GAL3ST1: variants seen among roughly 807,000 people sequenced by gnomAD.
GAL3ST1 encodes the protein galactosylceramide sulfotransferase.
A neutral mutation model predicts 25.0 loss-of-function variants in GAL3ST1; 13 were observed. That is an observed-to-expected ratio of 0.52 (90% CI 0.34 to 0.83). GAL3ST1 has a LOEUF of 0.83. Among genes scored for constraint, GAL3ST1 ranks in the 40% least tolerant of loss-of-function variants. The pLI is 0.02. For missense variants in GAL3ST1, 474 were observed against 613.6 expected, an observed-to-expected ratio of 0.77 and a Z score of 2.40; for synonymous variants, 274 against 277.8, an observed-to-expected ratio of 0.99 and a Z score of 0.14.
intron 1 of GAL3ST1, among the ~76,000 whole-genome samples, chr22:30,559,927 A>G (rs2086286163): frequency 6.6e-6 from 1 of 152,226 alleles, no homozygotes; most frequent in Non-Finnish European, 1.5e-5. Flanking sequence ...TGAGGCCAGG[A>G]AAAGTCACAT....
In GAL3ST1 at chr22:30,555,046, C is replaced by A. The variant is rs1483370753; in HGVS notation, c.1179G>T (p.Met393Ile). Residue 393 changes from methionine to isoleucine, a missense_variant, in exon 4 of 4, where the codon ATG becomes ATT. By Grantham distance (10) the Met-to-Ile change is conservative (BLOSUM62 1). Coordinates refer to ENST00000406361, the MANE Select transcript of GAL3ST1 (RefSeq NM_001318104.2). This position sits in a 1 kb window ranked among gnomAD's most constrained non-coding sequence, Gnocchi z 8.6. ...GQRHAQLCRR[M>I]LTPEIQYLMD... ...TCAGGTACTGGATCTCGGGCGTGAG[C>A]ATGCGCCGGCAGAGCTGCGCGTGCC... 1 of 1,612,018 alleles carries A rather than the reference C, an allele frequency of 6.2e-7. No homozygotes were observed. The highest frequency in any genetic ancestry group is 1.3e-5 in the African/African-American group (1 of 75,040).
In GAL3ST1 at chr22:30,574,632, G is replaced by GC. The variant is rs1412458546; in HGVS notation, c.-287dup. Reference sequence around the variant, plus strand: ...GCCGCGCCGCGCCCGCTCCCGCGCCGCGCCCGCTCCCGGCCAGGTGCCGCC... The same window carrying GC: ...GCCGCGCCGCGCCCGCTCCCGCGCCGCCGCCCGCTCCCGGCCAGGTGCCGCC... On this transcript the variant is annotated 5_prime_UTR_variant, in exon 1 of 4. Transcript: ENST00000406361. 2.1e-5 allele frequency: 3 copies of GC among 145,338 alleles called. No homozygotes were observed. The highest frequency in any genetic ancestry group is 7.5e-5 in the African/African-American group (3 of 40,004). 9.0% of individuals were successfully genotyped at this position (145,338 alleles called of 1,614,324 possible). A position where few individuals can be genotyped will look rare whatever the true frequency, so the allele number is the denominator to read the frequency against.
At chr22:30,569,801 C>G (rs1366356734) in intron 1 of GAL3ST1, among the ~76,000 whole-genome samples, 1 of 152,212 alleles carries the variant, frequency 6.6e-6, no homozygotes, top group African/African-American at 2.4e-5. Flanking sequence ...ATAAACCATT[C>G]CCCAGCCGGG....
intron 1 of GAL3ST1, among the ~76,000 whole-genome samples, chr22:30,572,523 G>C (rs2086814491): frequency 6.6e-6 from 1 of 152,192 alleles, no homozygotes. Flanking sequence ...CTCAGCGTTA[G>C]CTCCTCTGAT....
At chr22:30,557,669 T>C in intron 2 of GAL3ST1, 2 of 347,526 alleles carry the variant, frequency 5.8e-6, no homozygotes, top group Non-Finnish European at 1.0e-5. Context: ...AAAATTAAAA[T>C]GAACCGGGTA....
At chr22:30,573,113 C>A (rs1045588290) in intron 1 of GAL3ST1, among the ~76,000 whole-genome samples, 1 of 152,140 alleles carries the variant, frequency 6.6e-6, no homozygotes, top group African/African-American at 2.4e-5. Flanking sequence ...GGGAACAGGG[C>A]TTCGTTGTCT....
Position 30,555,338 on chromosome 22 carries a change from C to T in GAL3ST1, c.887G>A (p.Arg296His). The change falls in exon 4 of 4, where the codon CGC becomes CAC. Residue 296 changes from arginine to histidine, a missense_variant. Coordinates refer to ENST00000406361, the MANE Select transcript of GAL3ST1 (RefSeq NM_001318104.2). This position sits in a 1 kb window ranked among gnomAD's most constrained non-coding sequence, Gnocchi z 8.6. ...VPRLSGELYG[R>H]ATAWNMLDSH... Reference sequence around the variant, plus strand: ...GTCCAGCATGTTCCAGGCGGTGGCGCGCCCATACAGCTCCCCCGAGAGCCG... The same window carrying T: ...GTCCAGCATGTTCCAGGCGGTGGCGTGCCCATACAGCTCCCCCGAGAGCCG... 6.2e-7 allele frequency: 1 copy of T among 1,607,048 alleles called. No individual in the cohort carries two copies. The highest frequency in any genetic ancestry group is 8.5e-7 in the Non-Finnish European group (1 of 1,179,182).
At chr22:30,558,193 A>C (rs2086158452) in intron 2 of GAL3ST1, 86 bp downstream of exon 2, 2 of 151,750 alleles carry the variant, frequency 1.3e-5, no homozygotes, top group Admixed American at 6.5e-5. Context: ...TTGAGCCAGG[A>C]GTTCAAGACC....
chr22:30,564,366 T>C (rs2086554362), intron 1 of GAL3ST1, among the ~76,000 whole-genome samples: 3 of 152,160 alleles, frequency 2.0e-5, no homozygotes, highest in Admixed American at 6.5e-5. Flanking sequence ...ACTCCTAGCC[T>C]CAGGGTCAGA....
In GAL3ST1 at chr22:30,574,626, C is replaced by CG; in HGVS notation, c.-281dup. On this transcript the variant is annotated 5_prime_UTR_variant, in exon 1 of 4. Coordinates refer to ENST00000406361, the MANE Select transcript of GAL3ST1 (RefSeq NM_001318104.2). ...GCCGCTGCCGCGCCGCGCCCGCTCC[C>CG]GCGCCGCGCCCGCTCCCGGCCAGGT... The CG allele has an allele frequency of 2.1e-5, 3 of 145,450 alleles. No individual in the cohort carries two copies. Among genetic ancestry groups the CG allele is most frequent in the African/African-American group, 7.5e-5 (3 of 40,256 alleles). 9.0% of individuals were successfully genotyped at this position (145,450 alleles called of 1,614,324 possible). A position where few individuals can be genotyped will look rare whatever the true frequency, so the allele number is the denominator to read the frequency against.
chr22:30,556,222 C>T (rs2086017638), intron 3 of GAL3ST1, 129 bp from the exon 4 acceptor site: 2 of 758,004 alleles, frequency 2.6e-6, no homozygotes, highest in South Asian at 3.7e-5. Flanking sequence ...CCTGTGGGGC[C>T]TGAGTCCAGG....
Position 30,554,927 on chromosome 22 carries a change from C to T in GAL3ST1, c.*26G>A. 6.6e-7 allele frequency: 1 copy of T among 1,519,742 alleles called. No individual in the cohort carries two copies. Among genetic ancestry groups the T allele is most frequent in the South Asian group, 1.3e-5 (1 of 79,358 alleles). The allele number at this position is 1,519,742 out of a possible 1,614,324, so 94.1% of individuals were successfully genotyped here. On this transcript the variant is annotated 3_prime_UTR_variant, in exon 4 of 4. Transcript: ENST00000406361. Reference sequence around the variant, plus strand: ...AGCCCCTCTGCAGGGAGCGAGCAGGCAGGCAAGCCGCTGGGCGGTGGGACG... The same window carrying T: ...AGCCCCTCTGCAGGGAGCGAGCAGGTAGGCAAGCCGCTGGGCGGTGGGACG...
Position 30,555,330 on chromosome 22 carries a change from C to A in GAL3ST1, c.895G>T (p.Ala299Ser). ...LSGELYGRAT[A>S]WNMLDSHLYR... ...AGGTGGGAGTCCAGCATGTTCCAGG[C>A]GGTGGCGCGCCCATACAGCTCCCCC... The change falls in exon 4 of 4, where the codon GCC (alanine) becomes TCC (serine). Residue 299 changes from alanine to serine, a missense_variant. Coordinates refer to ENST00000406361, the MANE Select transcript of GAL3ST1 (RefSeq NM_001318104.2). This position sits in a 1 kb window ranked among gnomAD's most constrained non-coding sequence, Gnocchi z 8.6. 3 of 1,606,914 alleles carry A rather than the reference C, an allele frequency of 1.9e-6. No individual in the cohort carries two copies. The highest frequency in any genetic ancestry group is 2.2e-5 in the East Asian group (1 of 44,844).
intron 1 of GAL3ST1, among the ~76,000 whole-genome samples, chr22:30,573,260 C>T (rs948837930): frequency 6.6e-6 from 1 of 152,136 alleles, no homozygotes; most frequent in Non-Finnish European, 1.5e-5. Flanking sequence ...CCCAAAGGAG[C>T]AGAGAGAGGT....
chr22:30,570,597 G>A (rs938077795), intron 1 of GAL3ST1, among the ~76,000 whole-genome samples: 1 of 152,168 alleles, frequency 6.6e-6, no homozygotes, highest in African/African-American at 2.4e-5. Context: ...GGGAGTTTGA[G>A]ACCAGCCTGA....
intron 1 of GAL3ST1, among the ~76,000 whole-genome samples, chr22:30,564,303 C>T (rs563516708): frequency 1.4e-4 from 22 of 152,352 alleles, no homozygotes; most frequent in Non-Finnish European, 2.8e-4. Flanking sequence ...CACTGGCCCA[C>T]GATGGAGGCT....
chr22:30,555,528 G>A lies in GAL3ST1; in HGVS notation c.697C>T (p.Pro233Ser), dbSNP rs1568987141. ...TCCAGGATGTGCTCCTGCACCTGCG[G>A]GCTGCTGGGGTCCAGGCTGTTGTCA... ...GYDNSLDPSS[P>S]QVQEHILEVE... Residue 233 changes from proline to serine, a missense_variant, in exon 4 of 4, where the codon CCG (proline) becomes TCG (serine). Coordinates refer to ENST00000406361, the MANE Select transcript of GAL3ST1 (RefSeq NM_001318104.2). This position sits in a 1 kb window ranked among gnomAD's most constrained non-coding sequence, Gnocchi z 8.6. The A allele has an allele frequency of 6.2e-7, 1 of 1,613,660 alleles. No homozygotes were observed. Among genetic ancestry groups the A allele is most frequent in the Non-Finnish European group, 8.5e-7 (1 of 1,179,972 alleles).
At chr22:30,564,481 T>A (rs537323055) in intron 1 of GAL3ST1, among the ~76,000 whole-genome samples, 1 of 152,082 alleles carries the variant, frequency 6.6e-6, no homozygotes, top group African/African-American at 2.4e-5. Flanking sequence ...GTCTCCCACC[T>A]CCTCCACCCA....
In GAL3ST1 at chr22:30,554,837, A is replaced by T; in HGVS notation, c.*116T>A. ...GCCTCCCCCCAGGGAGCCCCCCCTC[A>T]CCCCGGGGTCTGAGGTGGCACCAGG... On this transcript the variant is annotated 3_prime_UTR_variant, in exon 4 of 4. Coordinates refer to ENST00000406361, the MANE Select transcript of GAL3ST1 (RefSeq NM_001318104.2). 1.3e-6 allele frequency: 1 copy of T among 752,730 alleles called. No homozygotes were observed. The highest frequency in any genetic ancestry group is 2.0e-6 in the Non-Finnish European group (1 of 490,986). The allele number at this position is 752,730 out of a possible 1,614,324, so 46.6% of individuals were successfully genotyped here. A position where few individuals can be genotyped will look rare whatever the true frequency, so the allele number is the denominator to read the frequency against.
Sources: gnomAD v4.1 joint callset for allele counts (sites outside exome capture counted in the v4.1 genomes callset) on GRCh38, gnomAD v4.1.1 for gene constraint, Gnocchi (gnomAD v3.1) non-coding constraint, MANE v1.5 for transcripts, NCBI Gene and HGNC (gene_info 2026-07-23, HGNC 2026-07-21) for gene names.